The following PRCP variants were observed in gnomAD, a reference collection of about 807,000 sequenced individuals.
PRCP encodes the protein lysosomal Pro-X carboxypeptidase.
A neutral mutation model predicts 54.2 loss-of-function variants in PRCP; 46 were observed. The ratio of observed to expected loss-of-function variants is 0.85; its 90% CI spans 0.67 to 1.09. PRCP has a LOEUF of 1.09. PRCP is among the 50% of genes least tolerant of loss of function. The pLI is 0.00. For missense variants in PRCP, 613 were observed against 596.8 expected (o/e 1.03, Z -0.28); for synonymous variants, 240 against 212.2 (o/e 1.13, Z -1.14).
At chr11:82,826,600 A>T (rs1858241278) in intron 8 of PRCP, 1 of 152,206 alleles carries the variant, frequency 6.6e-6, no homozygotes, top group Non-Finnish European at 1.5e-5. Flanking sequence ...CACTTTCTCT[A>T]CATCTTCAAC....
At chr11:82,825,951 T>A (rs1484331554) in intron 8 of PRCP, 1 of 152,178 alleles carries the variant, frequency 6.6e-6, no homozygotes, top group Admixed American at 6.5e-5. Context: ...CTAATAATAT[T>A]TCTGAACAGT....
chr11:82,900,004 C>T (rs1360031587), intron 1 of PRCP: 4 of 543,756 alleles, frequency 7.4e-6, no homozygotes, highest in African/African-American at 1.9e-5. Context: ...ACAGAAAAGC[C>T]TGAATCAAGA....
rs925238650 is a variant in PRCP, at chr11:82,869,166, G to T, written c.169-9049C>A. ...AGCCCAGGAGTTCAAGACCAGCCTG[G>T]GCAACATAGCAAGACCCTGTCTCTA... is the stretch of plus-strand genomic sequence containing the variant. On this transcript the variant is annotated intron_variant, in intron 1 of 8. Transcript: ENST00000313010. Among the ~76,000 whole-genome samples, 4 of 151,910 alleles carry T rather than the reference G, an allele frequency of 2.6e-5. 1 individual carries two copies. The highest frequency in any genetic ancestry group is 2.0e-4 in the Admixed American group (3 of 15,262).
chr11:82,891,778 T>C (rs1377516478), intron 1 of PRCP, among the ~76,000 whole-genome samples: 1 of 152,198 alleles, frequency 6.6e-6, no homozygotes, highest in Non-Finnish European at 1.5e-5. Flanking sequence ...AGGCACCTAA[T>C]AAAAAATTAG....
chr11:82,884,358 G>A (rs375359542), intron 1 of PRCP, among the ~76,000 whole-genome samples: 2 of 152,098 alleles, frequency 1.3e-5, no homozygotes, highest in African/African-American at 4.8e-5. Context: ...AGGAATTCGA[G>A]ACCAACCTGG....
chr11:82,887,522 T>G (rs1859890691), intron 1 of PRCP, among the ~76,000 whole-genome samples: 1 of 152,244 alleles, frequency 6.6e-6, no homozygotes, highest in Non-Finnish European at 1.5e-5. Context: ...ATTGATACTA[T>G]GTCAACTATC....
At chr11:82,857,891 G>A (rs1188158461) in intron 2 of PRCP, among the ~76,000 whole-genome samples, 1 of 152,086 alleles carries the variant, frequency 6.6e-6, no homozygotes, top group Non-Finnish European at 1.5e-5. Context: ...CCCCACCTTG[G>A]CAGTGCTGAT....
At chr11:82,825,328 G>T in intron 8 of PRCP, 1 of 555,382 alleles carries the variant, frequency 1.8e-6, no homozygotes, top group Non-Finnish European at 3.2e-6. Context: ...TGCAAAAAAA[G>T]AACCAGAGAT....
chr11:82,835,810 A>T, intron 8 of PRCP: 5 of 499,260 alleles, frequency 1.0e-5, no homozygotes, highest in Non-Finnish European at 2.0e-5. Context: ...GTGATGTTCA[A>T]GAACCAGATG....
intron 8 of PRCP, chr11:82,825,416 AT>A (rs1858203157): frequency 3.1e-6 from 1 of 321,592 alleles, no homozygotes. Context: ...TTCAATCCTG[AT>A]TTCATTATTC....
chr11:82,835,489 A>C (rs1453109323), intron 8 of PRCP: 1 of 243,610 alleles, frequency 4.1e-6, no homozygotes, highest in African/African-American at 2.3e-5. Context: ...CCATGTGCTA[A>C]GCCCACTTGA....
chr11:82,885,129 C>T (rs1285798150), intron 1 of PRCP, among the ~76,000 whole-genome samples: 5 of 152,118 alleles, frequency 3.3e-5, no homozygotes, highest in East Asian at 1.9e-4. Flanking sequence ...GTAGTGTCTT[C>T]GTGACAGTAA....
At chr11:82,874,924 AT>A (rs1333404683) in intron 1 of PRCP, among the ~76,000 whole-genome samples, 5 of 151,896 alleles carry the variant, frequency 3.3e-5, no homozygotes, top group Admixed American at 3.3e-4. Flanking sequence ...CTTTCATGGT[AT>A]TTTAGCTATA....
intron 1 of PRCP, among the ~76,000 whole-genome samples, chr11:82,865,730 C>A (rs752866770): frequency 6.6e-6 from 1 of 152,124 alleles, no homozygotes; most frequent in Non-Finnish European, 1.5e-5. Flanking sequence ...TAAAATAAGA[C>A]CCTCTTTCTC....
rs897120187 is a variant in PRCP, at chr11:82,859,957, T to C, written c.309+20A>G. 2.6e-6 allele frequency: 4 copies of C among 1,540,190 alleles called. No individual in the cohort carries two copies. The highest frequency in any genetic ancestry group is 3.5e-6 in the Non-Finnish European group (4 of 1,146,328). Reference sequence around the variant, plus strand: ...ATAAAAGTCAAATTGAGCACTGGAATTTCATGAATCTGCACATACCGTGTT... The same window carrying C: ...ATAAAAGTCAAATTGAGCACTGGAACTTCATGAATCTGCACATACCGTGTT... On this transcript the variant is annotated intron_variant, in intron 2 of 8. Coordinates refer to ENST00000313010, the MANE Select transcript of PRCP (RefSeq NM_005040.4).
intron 1 of PRCP, among the ~76,000 whole-genome samples, chr11:82,897,146 C>G (rs1442248681): frequency 6.6e-6 from 1 of 152,158 alleles, no homozygotes; most frequent in Non-Finnish European, 1.5e-5. Flanking sequence ...TCGATGTGCC[C>G]AAGTGATGTA....
rs11415071 is a variant in PRCP, at chr11:82,873,066, GT to G, written c.169-12950del. 7.1e-4 allele frequency among the ~76,000 whole-genome samples: 85 copies of G among 119,022 alleles called. 1 individual carries two copies. The highest frequency in any genetic ancestry group is 2.3e-3 in the East Asian group (10 of 4,334). The allele number at this position is 119,022 out of a possible 152,430, so 78.1% of individuals were successfully genotyped here. The stretch of plus-strand genomic sequence containing the variant: ...AGAGTTTTAAAACTTATTCTGATCT[GT>G]TTTTTTTTTTTTAAAAAAAAAGAAA... On this transcript the variant is annotated intron_variant, in intron 1 of 8. Coordinates refer to ENST00000313010, the MANE Select transcript of PRCP (RefSeq NM_005040.4).
At chr11:82,862,511 T>C (rs1272283662) in intron 1 of PRCP, among the ~76,000 whole-genome samples, 1 of 152,164 alleles carries the variant, frequency 6.6e-6, no homozygotes, top group Non-Finnish European at 1.5e-5. Context: ...GTGCTTAGTT[T>C]TGACCTAAAC....
intron 1 of PRCP, among the ~76,000 whole-genome samples, chr11:82,895,152 G>A (rs1211450972): frequency 1.3e-5 from 2 of 152,116 alleles, no homozygotes; most frequent in East Asian, 1.9e-4. Flanking sequence ...TGCTAAATAT[G>A]CACTTTACAC....
Sources: allele counts gnomAD v4.1 joint callset (sites outside exome capture counted in the v4.1 genomes callset), GRCh38; gene constraint gnomAD v4.1.1; transcripts MANE v1.5; gene names NCBI Gene and HGNC (gene_info 2026-07-23, HGNC 2026-07-21).